SPAG17: variants seen among roughly 807,000 people sequenced by gnomAD.
SPAG17 encodes the protein sperm associated antigen 17.
A neutral mutation model predicts 273.6 loss-of-function variants in SPAG17; 169 were observed. That is an observed-to-expected ratio of 0.62 (90% confidence interval 0.55 to 0.70). SPAG17 has a LOEUF of 0.70. SPAG17 is among the 30% of genes least tolerant of loss of function. The pLI, the probability that SPAG17 is intolerant of heterozygous loss-of-function variation, is 0.00. For synonymous variants in SPAG17, 825 were observed against 873.2 expected, an observed-to-expected ratio of 0.94 and a Z score of 0.97; for missense variants, 2,557 against 2,627.8, an observed-to-expected ratio of 0.97 and a Z score of 0.59.
At chr1:118,051,278 G>C (rs1487063738) in intron 20 of SPAG17, among the ~76,000 whole-genome samples, 2 of 152,018 alleles carry the variant, frequency 1.3e-5, no homozygotes, top group Non-Finnish European at 2.9e-5. Context: ...AGAGAACCAT[G>C]GTACACTGAT....
chr1:118,102,935 T>TA (rs1345648133), intron 4 of SPAG17, among the ~76,000 whole-genome samples: 3 of 152,212 alleles, frequency 2.0e-5, no homozygotes, highest in Admixed American at 2.0e-4. Flanking sequence ...CCATGGCTTC[T>TA]AGCACCTATG....
At chr1:118,055,251 T>C (rs989179978) in intron 19 of SPAG17, among the ~76,000 whole-genome samples, 5 of 152,122 alleles carry the variant, frequency 3.3e-5, no homozygotes, top group Admixed American at 6.6e-5. Context: ...CAAAAATCTC[T>C]TTCCCCATTA....
chr1:118,051,368 G>A (rs763990358), intron 20 of SPAG17, among the ~76,000 whole-genome samples: 2 of 152,026 alleles, frequency 1.3e-5, no homozygotes, highest in Non-Finnish European at 2.9e-5. Context: ...AATACCATAT[G>A]ATCCAGCAAT....
intron 3 of SPAG17, among the ~76,000 whole-genome samples, chr1:118,147,344 C>A (rs1659067799): frequency 6.6e-6 from 1 of 152,146 alleles, no homozygotes; most frequent in Admixed American, 6.6e-5. Context: ...GTGTCCATAT[C>A]CTCAAGTAGG....
intron 29 of SPAG17, among the ~76,000 whole-genome samples, chr1:118,013,898 T>G (rs1659716115): frequency 6.6e-6 from 1 of 152,168 alleles, no homozygotes; most frequent in South Asian, 2.1e-4. Flanking sequence ...CTCCAGTTTA[T>G]GAATAAGAAA....
At chr1:118,003,958 CT>C (rs927774695) in intron 32 of SPAG17, among the ~76,000 whole-genome samples, 13 of 152,256 alleles carry the variant, frequency 8.5e-5, no homozygotes, top group Non-Finnish European at 1.9e-4. Context: ...TTGTATCTAC[CT>C]TTGGTCTTTG....
intron 3 of SPAG17, among the ~76,000 whole-genome samples, chr1:118,140,975 C>G (rs1658648896): frequency 1.3e-5 from 2 of 152,096 alleles, no homozygotes; most frequent in Non-Finnish European, 2.9e-5. Context: ...GTTTTTGCAC[C>G]CTCTGCCTGA....
chr1:118,142,269 C>T (rs1172721066), intron 3 of SPAG17, among the ~76,000 whole-genome samples: 1 of 152,114 alleles, frequency 6.6e-6, no homozygotes, highest in South Asian at 2.1e-4. Flanking sequence ...TATCCAGAGT[C>T]GTCAAATTCG....
intron 3 of SPAG17, among the ~76,000 whole-genome samples, chr1:118,148,050 G>A (rs1011391833): frequency 6.6e-6 from 1 of 152,184 alleles, no homozygotes; most frequent in Non-Finnish European, 1.5e-5. Context: ...GTTATATCGT[G>A]AGTTCCTTAT....
intron 48 of SPAG17, 153 bp downstream of exon 48, chr1:117,963,646 G>A: frequency 1.6e-6 from 1 of 619,160 alleles, no homozygotes; most frequent in Non-Finnish European, 2.6e-6. Flanking sequence ...TTACAGGTGT[G>A]AGCCACCGGG....
rs1280096165 is a variant in SPAG17, at chr1:118,018,066, G to A, written c.4070-1884C>T. ...AGCACAAGCCATGGACTAAGTAAAT[G>A]TAGGAAGCCAAAGAGGTAAAATAGC... is the stretch of plus-strand genomic sequence containing the variant. On this transcript the variant is annotated intron_variant, in intron 28 of 48. Coordinates refer to ENST00000336338, the MANE Select transcript of SPAG17 (RefSeq NM_206996.4). Among the ~76,000 whole-genome samples the A allele has an allele frequency of 2.0e-5, 3 of 152,218 alleles. No homozygotes were observed. The South Asian group carries it at 6.2e-4, about 32-fold the overall frequency.
chr1:118,085,579 A>T (rs1167780970), intron 13 of SPAG17, among the ~76,000 whole-genome samples: 1 of 152,100 alleles, frequency 6.6e-6, no homozygotes, highest in African/African-American at 2.4e-5. Context: ...CTTCTCTGTA[A>T]GTAGGATGGG....
chr1:118,029,139 A>T (rs755610367), intron 25 of SPAG17, among the ~76,000 whole-genome samples: 15 of 152,106 alleles, frequency 9.9e-5, no homozygotes, highest in Non-Finnish European at 2.9e-5. Context: ...GGTCCCAGCT[A>T]CTTGGGATGC....
At position 117,980,920 on chromosome 1, in the gene SPAG17, C is replaced by A. The variant is rs908241758; in HGVS notation, c.6004+350G>T. On this transcript the variant is annotated intron_variant, in intron 43 of 48. Transcript: ENST00000336338. ...ACAGGTAAATCTAAGTACCAAATTT[C>A]TGGTTACTCAAGAAAAGCTATCAGT... is the stretch of plus-strand genomic sequence containing the variant. Among the ~76,000 whole-genome samples the A allele has an allele frequency of 4.6e-5, 7 of 152,282 alleles. No homozygotes were observed. The East Asian group carries it at 1.3e-3, about 29-fold the overall frequency.
chr1:118,018,151 T>G (rs2101813615), intron 28 of SPAG17, among the ~76,000 whole-genome samples: 1 of 152,298 alleles, frequency 6.6e-6, no homozygotes, highest in Non-Finnish European at 1.5e-5. Flanking sequence ...GAGTATTTGT[T>G]TTCTTAGCAT....
chr1:118,072,057 C>T (rs754029505), intron 17 of SPAG17, among the ~76,000 whole-genome samples: 1 of 152,172 alleles, frequency 6.6e-6, no homozygotes, highest in Non-Finnish European at 1.5e-5. Flanking sequence ...ATCTTAAAAT[C>T]TTCCAGGGAG....
intron 20 of SPAG17, 93 bp downstream of exon 20, chr1:118,053,909 C>T: frequency 1.2e-6 from 1 of 834,680 alleles, no homozygotes; most frequent in Non-Finnish European, 1.9e-6. Flanking sequence ...TTCCCAATCA[C>T]TATCCACTCC....
chr1:117,973,440 A>AAC lies in SPAG17; in HGVS notation c.6125_6126insGT (p.Gln2043PhefsTer15). On this transcript the variant is annotated frameshift_variant, in exon 44 of 49. Coordinates refer to ENST00000336338, the MANE Select transcript of SPAG17 (RefSeq NM_206996.4). LOFTEE classifies it high-confidence loss of function. ...TTTGTTTTACCTTTGCAAGAGGTTG[A>AAC]GACTTAGGCTTGGAACTCAGCAAAT... The AAC allele has an allele frequency of 6.2e-7, 1 of 1,613,428 alleles. No homozygotes were observed. Among genetic ancestry groups the AAC allele is most frequent in the Non-Finnish European group, 8.5e-7 (1 of 1,179,524 alleles).
At chr1:118,076,053 T>C (rs1409814264) in intron 15 of SPAG17, among the ~76,000 whole-genome samples, 1 of 152,104 alleles carries the variant, frequency 6.6e-6, no homozygotes, top group Non-Finnish European at 1.5e-5. Flanking sequence ...AACTGTACTC[T>C]GAGCACCCAG....
Sources: gnomAD v4.1 joint callset for allele counts (sites outside exome capture counted in the v4.1 genomes callset) on GRCh38, gnomAD v4.1.1 for gene constraint, MANE v1.5 for transcripts, NCBI Gene and HGNC (gene_info 2026-07-23, HGNC 2026-07-21) for gene names.